The following IFT80 variants were observed in gnomAD, a reference collection of about 807,000 sequenced individuals.
The protein encoded by IFT80 is intraflagellar transport 80, also known as intraflagellar transport protein 80 homolog.
A neutral mutation model predicts 107.9 loss-of-function variants in IFT80; 79 were observed. The ratio of observed to expected loss-of-function variants is 0.73; its 90% confidence interval spans 0.61 to 0.88. IFT80 has a LOEUF of 0.88. IFT80 is among the 40% of genes least tolerant of loss of function. The pLI, the probability that IFT80 is intolerant of heterozygous loss-of-function variation, is 0.00. For synonymous variants in IFT80, 299 were observed against 300.9 expected, an observed-to-expected ratio of 0.99 and a Z score of 0.07; for missense variants, 797 against 914.2, an observed-to-expected ratio of 0.87 and a Z score of 1.65.
At chr3:160,284,669 G>A (rs1290182294) in intron 13 of IFT80, among the ~76,000 whole-genome samples, 1 of 151,988 alleles carries the variant, frequency 6.6e-6, no homozygotes, top group South Asian at 2.1e-4. Flanking sequence ...TAATACTAAC[G>A]GCAAAAGATT....
intron 1 of IFT80, among the ~76,000 whole-genome samples, chr3:160,392,343 A>G (rs556900777): frequency 6.6e-6 from 1 of 152,334 alleles, no homozygotes; most frequent in South Asian, 2.1e-4. Flanking sequence ...ATATAGTGAC[A>G]ACTACTAATT....
In IFT80 at chr3:160,279,273, T is replaced by A. The variant is rs6778728; in HGVS notation, c.1756A>T (p.Thr586Ser). ...TCATGGAGAATAGCAGGATATGGTG[T>A]TATGCTGATGTGAACCAGGGAGCCA... ...ADGSLVHISI[T>S]PYPAILHEYV... is the part of the protein sequence containing the mutation. The change falls in exon 16 of 20, where the codon ACA becomes TCA. Residue 586 changes from threonine (T) to serine (S), a missense_variant. Thr to Ser is a moderately conservative substitution (Grantham distance 58, BLOSUM62 1). Transcript: ENST00000326448. 0.25 allele frequency: 395,750 copies of A among 1,612,056 alleles called. 52,736 individuals carry two copies. The highest frequency in any genetic ancestry group is 0.49 in the African/African-American group (36,737 of 74,888).
intron 18 of IFT80, among the ~76,000 whole-genome samples, chr3:160,270,704 G>A (rs1713731380): frequency 6.6e-6 from 1 of 152,132 alleles, no homozygotes; most frequent in African/African-American, 2.4e-5. Flanking sequence ...CAGAAGTAAA[G>A]ATGCCTCAGT....
intron 10 of IFT80, among the ~76,000 whole-genome samples, 185 bp downstream of exon 10, chr3:160,307,478 G>A (rs778569402): frequency 6.6e-6 from 1 of 152,084 alleles, no homozygotes; most frequent in African/African-American, 2.4e-5. Context: ...TACAAACCTC[G>A]TTAGATCTAT....
At position 160,312,942 on chromosome 3, in the gene IFT80, TA is replaced by T. The variant is rs1300540370; in HGVS notation, c.958-5162del. Among the ~76,000 whole-genome samples, 81 of 45,944 alleles carry T rather than the reference TA, an allele frequency of 1.8e-3. 11 individuals are homozygous for T. The highest frequency in any genetic ancestry group is 1.0e-2 in the African/African-American group (72 of 7,236). 30.1% of individuals were successfully genotyped at this position (45,944 alleles called of 152,430 possible). A position where few individuals can be genotyped will look rare whatever the true frequency, so the allele number is the denominator to read the frequency against. On this transcript the variant is annotated intron_variant, in intron 9 of 19. Transcript: ENST00000326448. ...TTATATATAAATATATAATATATAA[TA>T]AATATATATTATATATAAATATATA...
At chr3:160,323,434 C>T (rs545987500) in intron 8 of IFT80, among the ~76,000 whole-genome samples, 450 of 151,912 alleles carry the variant, frequency 3.0e-3, no homozygotes, top group East Asian at 0.018. Flanking sequence ...GTTTTGGTTA[C>T]TGTAGCCTTG....
intron 19 of IFT80, among the ~76,000 whole-genome samples, chr3:160,267,208 T>C (rs79496342): frequency 0.012 from 1,885 of 152,260 alleles, 41 homozygotes; most frequent in African/African-American, 0.042. Flanking sequence ...AAAATGTAGA[T>C]CAAGACACTA....
intron 4 of IFT80, among the ~76,000 whole-genome samples, chr3:160,377,209 C>T (rs1033005459): frequency 6.6e-6 from 1 of 152,018 alleles, no homozygotes; most frequent in African/African-American, 2.4e-5. Flanking sequence ...GTGACCATTC[C>T]AAAAGCCTTC....
chr3:160,324,594 A>C (rs1718534279), intron 8 of IFT80, among the ~76,000 whole-genome samples: 2 of 152,176 alleles, frequency 1.3e-5, no homozygotes, highest in Non-Finnish European at 2.9e-5. Context: ...TCATGCTAAA[A>C]ACTCTCAATA....
intron 12 of IFT80, among the ~76,000 whole-genome samples, chr3:160,288,359 A>T (rs1366992850): frequency 6.6e-6 from 1 of 152,138 alleles, no homozygotes; most frequent in East Asian, 1.9e-4. Context: ...AAAAAAAGAA[A>T]ATACAGCAAA....
At chr3:160,356,323 A>G (rs747363707) in intron 7 of IFT80, among the ~76,000 whole-genome samples, 173 bp from the exon 8 acceptor site, 1 of 152,236 alleles carries the variant, frequency 6.6e-6, no homozygotes, top group South Asian at 2.1e-4. Flanking sequence ...CTTATATATT[A>G]GCAATTAAAC....
chr3:160,358,295 G>C (rs935897486), intron 6 of IFT80, among the ~76,000 whole-genome samples: 1 of 151,870 alleles, frequency 6.6e-6, no homozygotes, highest in South Asian at 2.1e-4. Context: ...TTACAGGCGT[G>C]AGCCACCATG....
chr3:160,275,221 T>G (rs1714165320), intron 18 of IFT80, among the ~76,000 whole-genome samples: 2 of 152,210 alleles, frequency 1.3e-5, no homozygotes, highest in African/African-American at 4.8e-5. Context: ...TTTCAACCTC[T>G]GTATGTTCCC....
intron 3 of IFT80, among the ~76,000 whole-genome samples, chr3:160,380,325 T>G (rs1712376789): frequency 6.6e-6 from 1 of 151,970 alleles, no homozygotes; most frequent in African/African-American, 2.4e-5. Context: ...CTAAACTGAT[T>G]GACTCAGTGA....
At chr3:160,269,369 T>A (rs1713624535) in intron 18 of IFT80, among the ~76,000 whole-genome samples, 1 of 152,224 alleles carries the variant, frequency 6.6e-6, no homozygotes, top group African/African-American at 2.4e-5. Flanking sequence ...TATCTTTACA[T>A]TATTACTATA....
intron 19 of IFT80, among the ~76,000 whole-genome samples, chr3:160,265,520 G>C (rs563115038): frequency 2.6e-4 from 40 of 152,206 alleles, no homozygotes; most frequent in Non-Finnish European, 5.0e-4. Context: ...TATTCTTTGA[G>C]TGGATTTTAT....
At chr3:160,349,903 A>G (rs1352630177) in intron 8 of IFT80, among the ~76,000 whole-genome samples, 2 of 152,190 alleles carry the variant, frequency 1.3e-5, no homozygotes, top group African/African-American at 4.8e-5. Flanking sequence ...GAAAAGGTGA[A>G]GAGTCTCAAT....
intron 11 of IFT80, among the ~76,000 whole-genome samples, chr3:160,302,182 G>A (rs1364173134): frequency 1.3e-5 from 2 of 151,908 alleles, no homozygotes; most frequent in East Asian, 1.9e-4. Context: ...TTCAGAACTG[G>A]TTCTTGATTT....
chr3:160,355,865 G>C, intron 8 of IFT80, 148 bp downstream of exon 8: 1 of 952,492 alleles, frequency 1.0e-6, no homozygotes, highest in Non-Finnish European at 1.7e-6. Flanking sequence ...ATCTGGAATT[G>C]ATTGAACCAG....
Sources: allele counts gnomAD v4.1 joint callset (sites outside exome capture counted in the v4.1 genomes callset), GRCh38; gene constraint gnomAD v4.1.1; transcripts MANE v1.5; gene names NCBI Gene and HGNC (gene_info 2026-07-23, HGNC 2026-07-21).